WDR86: variants seen among roughly 807,000 people sequenced by gnomAD.
The protein encoded by WDR86 is WD repeat domain 86.
A neutral mutation model predicts 36.5 loss-of-function variants in WDR86; 30 were observed. That is an observed-to-expected ratio of 0.82 (90% CI 0.61 to 1.11). The LOEUF is 1.11. Ranked by LOEUF, WDR86 falls within the 50% of genes most tolerant of loss-of-function variation. The pLI, the probability that WDR86 is intolerant of heterozygous loss-of-function variation, is 0.00. For synonymous variants in WDR86, 255 were observed against 252.9 expected (o/e 1.01, Z -0.08); for missense variants, 545 against 561.2 (o/e 0.97, Z 0.29).
chr7:151,379,270 G>A (rs116685719), downstream of WDR86, among the ~76,000 whole-genome samples: 1,334 of 152,278 alleles, frequency 8.8e-3, 20 homozygotes, highest in African/African-American at 0.03. Flanking sequence ...TGCCATTAGA[G>A]GAGCAGGAGT....
chr7:151,395,786 A>T lies in WDR86; in HGVS notation c.716T>A (p.Ile239Asn). 1 of 1,558,062 alleles carries T rather than the reference A, an allele frequency of 6.4e-7. No homozygotes were observed. Among genetic ancestry groups the T allele is most frequent in the African/African-American group, 1.4e-5 (1 of 73,518 alleles). The change falls in exon 3 of 6, where the codon ATC (isoleucine) becomes AAC (asparagine). Residue 239 changes from isoleucine to asparagine, a missense_variant. By Grantham distance (149) the Ile-to-Asn change is moderately radical. Transcript: ENST00000334493. ...RVFREHRGSV[I>N]CLELVNRLVY... is the part of the protein sequence containing the mutation. ...CCAGGACAGTCTCACCTCCAGACAG[A>T]TGACGGAGCCCCGGTGCTCCCGGAA...
chr7:151,407,659 T>C (rs113445799), intron 1 of WDR86, among the ~76,000 whole-genome samples: 2,597 of 152,156 alleles, frequency 0.017, 29 homozygotes, highest in East Asian at 0.049. Flanking sequence ...GCCAACATGA[T>C]GAAGCCCCAC....
intron 3 of WDR86, among the ~76,000 whole-genome samples, chr7:151,391,291 T>C (rs1000726776): frequency 3.9e-5 from 6 of 152,378 alleles, no homozygotes; most frequent in African/African-American, 7.2e-5. Context: ...GCTCCTGCCC[T>C]GGCTCCCTGC....
chr7:151,382,925 GGTGCTGGGCT>G (rs1798704284), intron 4 of WDR86, among the ~76,000 whole-genome samples: 1 of 152,050 alleles, frequency 6.6e-6, no homozygotes, highest in Admixed American at 6.6e-5. Flanking sequence ...TGAGGGTAAG[GGTGCTGGGCT>G]ACCTATCTAT....
intron 3 of WDR86, among the ~76,000 whole-genome samples, chr7:151,387,885 G>A (rs1028149334): frequency 5.3e-5 from 8 of 152,240 alleles, no homozygotes; most frequent in Non-Finnish European, 8.8e-5. Flanking sequence ...GATGTGAGAC[G>A]TGGCCAAGTT....
chr7:151,401,225 C>T lies in WDR86; in HGVS notation c.164-984G>A, dbSNP rs1037220606. 1.3e-5 allele frequency among the ~76,000 whole-genome samples: 2 copies of T among 152,220 alleles called. No individual in the cohort carries two copies. The highest frequency in any genetic ancestry group is 2.9e-5 in the Non-Finnish European group (2 of 68,040). Reference sequence around the variant, plus strand: ...GCACCTAACTTTCAGGGTATTCTTCCTCCTGTGCAATACATTGCTCTATGC... The same window carrying T: ...GCACCTAACTTTCAGGGTATTCTTCTTCCTGTGCAATACATTGCTCTATGC... On this transcript the variant is annotated intron_variant, in intron 1 of 5. Transcript: ENST00000334493. The surrounding 1 kb of genome is among the most constrained non-coding windows in gnomAD (Gnocchi z 4.3).
chr7:151,382,637 CA>C, intron 4 of WDR86, among the ~76,000 whole-genome samples: 1 of 152,212 alleles, frequency 6.6e-6, no homozygotes, highest in Middle Eastern at 3.2e-3. Flanking sequence ...CATTTCTAAC[CA>C]GTTTTAAGTG....
chr7:151,379,673 T>C (rs901150389), downstream of WDR86, among the ~76,000 whole-genome samples: 10 of 152,180 alleles, frequency 6.6e-5, no homozygotes, highest in Admixed American at 2.0e-4. Context: ...CCCCAATGTG[T>C]GTTGCTATAA....
intron 3 of WDR86, among the ~76,000 whole-genome samples, chr7:151,395,038 G>A (rs1333978429): frequency 2.0e-5 from 3 of 152,252 alleles, no homozygotes; most frequent in African/African-American, 7.2e-5. Flanking sequence ...CAGAGGCTGG[G>A]TGGCTTGTCC....
intron 3 of WDR86, among the ~76,000 whole-genome samples, chr7:151,386,534 C>T (rs1248477116): frequency 6.6e-6 from 1 of 152,188 alleles, no homozygotes; most frequent in Non-Finnish European, 1.5e-5. Flanking sequence ...TGGATGGTCC[C>T]CTCCCCAAGG....
At chr7:151,404,823 C>G (rs1046873091) in intron 1 of WDR86, among the ~76,000 whole-genome samples, 5 of 152,228 alleles carry the variant, frequency 3.3e-5, no homozygotes, top group Admixed American at 3.3e-4. Context: ...CTTCCTCCCC[C>G]ACCACCCCAA....
Position 151,381,934 on chromosome 7 carries a change from A to G in WDR86, c.910T>C (p.Ser304Pro). Residue 304 changes from serine (S) to proline (P), a missense_variant, in exon 5 of 6, where the codon TCT (serine) becomes CCT (proline). Transcript: ENST00000334493. This position sits in a 1 kb window ranked among gnomAD's most constrained non-coding sequence, Gnocchi z 4.8. ...CGGAACACCCTCCGCAGCTCTCCAG[A>G]CTGCGCGTCGAAGGCCCGGGCGCAA... ...DACARAFDAQ[S>P]GELRRVFRGH... The G allele has an allele frequency of 6.2e-7, 1 of 1,609,996 alleles. No homozygotes were observed. Among genetic ancestry groups the G allele is most frequent in the Non-Finnish European group, 8.5e-7 (1 of 1,178,710 alleles).
At chr7:151,394,682 T>A (rs1320397099) in intron 3 of WDR86, among the ~76,000 whole-genome samples, 1 of 152,262 alleles carries the variant, frequency 6.6e-6, no homozygotes. Flanking sequence ...AAGGGCTGCC[T>A]GGCAGCACTG....
Position 151,382,023 on chromosome 7 carries a change from GC to G in WDR86, c.863-43del, listed in dbSNP as rs752660022. ...CGCGCTGGGCCTCCCTCCCTGCTCG[GC>G]CCCCCGCAAGCAGGGATGGGGCGGC... On this transcript the variant is annotated intron_variant, in intron 4 of 5. Transcript: ENST00000334493. The G allele has an allele frequency of 1.7e-5, 26 of 1,534,714 alleles. No homozygotes were observed. The Middle Eastern group carries it at 5.3e-4, about 31-fold the overall frequency.
At chr7:151,398,660 G>A (rs1401415395) in intron 2 of WDR86, among the ~76,000 whole-genome samples, 2 of 151,290 alleles carry the variant, frequency 1.3e-5, no homozygotes, top group African/African-American at 2.4e-5. Flanking sequence ...GTGTATGCAC[G>A]TGTATATGTG....
chr7:151,387,470 C>G (rs1799073802), intron 3 of WDR86, among the ~76,000 whole-genome samples: 1 of 152,174 alleles, frequency 6.6e-6, no homozygotes, highest in African/African-American at 2.4e-5. Context: ...TTCCCTCTAG[C>G]TGGTTTCCTG....
intron 3 of WDR86, among the ~76,000 whole-genome samples, chr7:151,393,959 G>A (rs372566260): frequency 2.6e-5 from 4 of 152,252 alleles, no homozygotes; most frequent in African/African-American, 7.2e-5. Flanking sequence ...TAAAAGGCAC[G>A]CAAAAAACAG....
downstream of WDR86, among the ~76,000 whole-genome samples, chr7:151,380,061 C>T (rs977401724): frequency 3.3e-5 from 5 of 152,234 alleles, no homozygotes; most frequent in East Asian, 3.9e-4. Context: ...GACCTGGCCA[C>T]CCCCGAGGTC....
At chr7:151,393,435 G>A (rs1278275498) in intron 3 of WDR86, among the ~76,000 whole-genome samples, 6 of 152,118 alleles carry the variant, frequency 3.9e-5, no homozygotes, top group Non-Finnish European at 7.4e-5. Flanking sequence ...CCCAGGGAGC[G>A]AACCCGGGGA....
Sources: allele counts gnomAD v4.1 joint callset (sites outside exome capture counted in the v4.1 genomes callset), GRCh38; gene constraint gnomAD v4.1.1; non-coding constraint Gnocchi (gnomAD v3.1); transcripts MANE v1.5; gene names NCBI Gene and HGNC (gene_info 2026-07-23, HGNC 2026-07-21).